Variants in AKAP9 observed in about 807,000 individuals in gnomAD.
The protein encoded by AKAP9 is A-kinase anchoring protein 9.
A neutral mutation model predicts 488.5 loss-of-function variants in AKAP9; 311 were observed. The observed-to-expected ratio is 0.64, with a 90% CI of 0.58 to 0.70. The LOEUF (loss-of-function observed/expected upper bound fraction) is 0.70. AKAP9 is among the 30% of genes least tolerant of loss of function. The pLI, the probability that AKAP9 is intolerant of heterozygous loss-of-function variation, is 0.00. For synonymous variants in AKAP9, 1,462 were observed against 1,483.5 expected, an observed-to-expected ratio of 0.99 and a Z score of 0.33; for missense variants, 4,215 against 4,374.5, an observed-to-expected ratio of 0.96 and a Z score of 1.03.
At chr7:91,979,144 A>G (rs1231056833) in intron 2 of AKAP9, among the ~76,000 whole-genome samples, 1 of 151,946 alleles carries the variant, frequency 6.6e-6, no homozygotes, top group African/African-American at 2.4e-5. Flanking sequence ...GTTCCTCCTT[A>G]TTTGTGGAGA....
chr7:92,052,881 C>T lies in AKAP9; in HGVS notation c.5524C>T (p.Leu1842Phe). The part of the protein sequence containing the change: ...GTEIDPENEE[L>F]MLNISSRLQA... Reference sequence around the variant, plus strand: ...TGAAATAGACCCTGAAAATGAAGAACTTATGCTGAACATTAGCTCTCGACT... The same window carrying T: ...TGAAATAGACCCTGAAAATGAAGAATTTATGCTGAACATTAGCTCTCGACT... Residue 1842 changes from leucine to phenylalanine, a missense_variant, in exon 22 of 50, where the codon CTT (leucine) becomes TTT (phenylalanine). Coordinates refer to ENST00000356239, the MANE Select transcript of AKAP9 (RefSeq NM_005751.5). 1 of 1,613,824 alleles carries T rather than the reference C, an allele frequency of 6.2e-7. No homozygotes were observed. The highest frequency in any genetic ancestry group is 8.5e-7 in the Non-Finnish European group (1 of 1,179,842).
intron 7 of AKAP9, chr7:91,996,036 A>G (rs1798366362): frequency 4.6e-6 from 2 of 433,654 alleles, no homozygotes; most frequent in East Asian, 6.9e-5. Context: ...GCAGGAAAAT[A>G]CAAATTTATA....
intron 13 of AKAP9, 95 bp downstream of exon 13, chr7:92,022,447 T>G: frequency 1.1e-6 from 1 of 872,410 alleles, no homozygotes; most frequent in South Asian, 1.4e-5. Flanking sequence ...CGTAGTGACC[T>G]TTGGCATTTC....
rs776135220 is a variant in AKAP9, at chr7:92,079,991, A to C, written c.7858A>C (p.Thr2620Pro). 6.4e-7 allele frequency: 1 copy of C among 1,569,814 alleles called. No individual in the cohort carries two copies. Among genetic ancestry groups the C allele is most frequent in the South Asian group, 1.2e-5 (1 of 82,132 alleles). ...ELESQVVEMHTSLILEKEQVE... is the reference protein window; with the variant it reads ...ELESQVVEMHPSLILEKEQVE... ...AGAAAGCCAGGTTGTTGAAATGCAT[A>C]CTAGTTTGATTTTAGAAAAAGAACA... Residue 2620 changes from threonine (T) to proline (P), a missense_variant, in exon 31 of 50, where the codon ACT (threonine) becomes CCT (proline). Transcript: ENST00000356239.
intron 1 of AKAP9, among the ~76,000 whole-genome samples, chr7:91,973,203 C>A (rs2130560886): frequency 6.6e-6 from 1 of 152,236 alleles, no homozygotes; most frequent in South Asian, 2.1e-4. Flanking sequence ...TGGCAAAAAT[C>A]TGTCTGTACA....
At chr7:91,998,681 T>A (rs1798737380) in intron 7 of AKAP9, among the ~76,000 whole-genome samples, 1 of 151,956 alleles carries the variant, frequency 6.6e-6, no homozygotes, top group African/African-American at 2.4e-5. Context: ...TTTGTAACAT[T>A]AACATTTTTC....
intron 2 of AKAP9, among the ~76,000 whole-genome samples, chr7:91,979,818 G>GT (rs1487748205): frequency 2.0e-5 from 3 of 152,194 alleles, no homozygotes; most frequent in Non-Finnish European, 4.4e-5. Context: ...ATGGGACAGA[G>GT]TAAGATTTCA....
chr7:92,018,878 T>C (rs1801922618), intron 12 of AKAP9, among the ~76,000 whole-genome samples: 1 of 152,208 alleles, frequency 6.6e-6, no homozygotes, highest in African/African-American at 2.4e-5. Context: ...CTCAAAAATC[T>C]TTTAGGTATA....
intron 12 of AKAP9, among the ~76,000 whole-genome samples, chr7:92,018,394 T>A (rs1460171046): frequency 1.2e-5 from 1 of 83,884 alleles, no homozygotes; most frequent in African/African-American, 4.5e-5. Context: ...TCTAAAAATA[T>A]AACACACACA....
chr7:91,958,615 C>G (rs1471476947), intron 1 of AKAP9, among the ~76,000 whole-genome samples: 1 of 151,928 alleles, frequency 6.6e-6, no homozygotes, highest in Non-Finnish European at 1.5e-5. Context: ...AGCATATGGG[C>G]CCACGATAAT....
At chr7:92,050,916 C>T (rs1388736527) in intron 21 of AKAP9, among the ~76,000 whole-genome samples, 3 of 152,148 alleles carry the variant, frequency 2.0e-5, no homozygotes, top group African/African-American at 7.2e-5. Context: ...AGCCCAGAGT[C>T]ATCTTACGCA....
At chr7:91,975,612 G>A (rs1411144000) in intron 2 of AKAP9, among the ~76,000 whole-genome samples, 1 of 151,980 alleles carries the variant, frequency 6.6e-6, no homozygotes, top group Non-Finnish European at 1.5e-5. Flanking sequence ...CAATGTCGAT[G>A]TTCTTTTTTC....
Position 92,001,561 on chromosome 7 carries a change from A to T in AKAP9, c.1644A>T (p.Arg548Ser). The change falls in exon 8 of 50, where the codon AGA becomes AGT. Residue 548 changes from arginine (R) to serine (S), a missense_variant. By Grantham distance (110) the Arg-to-Ser change is moderately radical. Around this residue, in one of 5 missense-constraint regions of AKAP9, gnomAD observed 2,361 missense variants for 2,430.0 expected, o/e 0.97. Transcript: ENST00000356239. ...SFSREQIQRARQTIAEQESKL... is the reference protein window; with the variant it reads ...SFSREQIQRASQTIAEQESKL... Reference sequence around the variant, plus strand: ...CAAGGGAACAGATTCAGAGAGCTAGACAGACAATAGCTGAACAAGAAAGTA... The same window carrying T: ...CAAGGGAACAGATTCAGAGAGCTAGTCAGACAATAGCTGAACAAGAAAGTA... The T allele has an allele frequency of 1.2e-6, 2 of 1,613,874 alleles. No individual in the cohort carries two copies. The highest frequency in any genetic ancestry group is 1.7e-6 in the Non-Finnish European group (2 of 1,179,838).
At chr7:92,010,429 C>T (rs1011118859) in intron 8 of AKAP9, among the ~76,000 whole-genome samples, 2 of 152,214 alleles carry the variant, frequency 1.3e-5, no homozygotes, top group African/African-American at 4.8e-5. Flanking sequence ...GAATAAATGC[C>T]CGCAGGGCCA....
At position 91,940,890 on chromosome 7, in the gene AKAP9, G is replaced by T. The variant is rs545764733; in HGVS notation, c.-210G>T. ...TTTACGTGGAGACGAAGATGGCGGC[G>T]GCGGCGGCGGTGACGGCGCTTCCCG... On this transcript the variant is annotated 5_prime_UTR_variant, in exon 1 of 50. Coordinates refer to ENST00000356239, the MANE Select transcript of AKAP9 (RefSeq NM_005751.5). 7.7e-5 allele frequency: 47 copies of T among 607,130 alleles called. No individual in the cohort carries two copies. Among genetic ancestry groups the T allele is most frequent in the South Asian group, 7.2e-4 (38 of 53,058 alleles). 37.6% of individuals were successfully genotyped at this position (607,130 alleles called of 1,614,324 possible). A position where few individuals can be genotyped will look rare whatever the true frequency, so the allele number is the denominator to read the frequency against.
At chr7:92,034,046 T>C (rs1804744806) in intron 16 of AKAP9, among the ~76,000 whole-genome samples, 1 of 152,122 alleles carries the variant, frequency 6.6e-6, no homozygotes, top group East Asian at 1.9e-4. Context: ...GATGGTGTTA[T>C]TTTATATAGG....
intron 11 of AKAP9, 39 bp from the exon 12 acceptor site, chr7:92,016,978 G>A (rs763852538): frequency 7.2e-7 from 1 of 1,393,462 alleles, no homozygotes; most frequent in South Asian, 1.2e-5. Context: ...GACTTTTACT[G>A]TGAAGTGAAA....
chr7:92,071,393 T>C (rs1276201135), intron 28 of AKAP9, among the ~76,000 whole-genome samples: 3 of 151,874 alleles, frequency 2.0e-5, no homozygotes, highest in Admixed American at 6.5e-5. Context: ...GTGTGGTTTT[T>C]TTTTTTTTTA....
chr7:92,017,215 G>A (rs1035848433), intron 12 of AKAP9, 113 bp downstream of exon 12: 9 of 830,890 alleles, frequency 1.1e-5, no homozygotes, highest in African/African-American at 3.4e-5. Flanking sequence ...TGAAAAAGGA[G>A]ATTGGGAAAA....
Sources: gnomAD v4.1 joint callset for allele counts (sites outside exome capture counted in the v4.1 genomes callset) on GRCh38, gnomAD v4.1.1 for gene constraint, gnomAD v4.1.1 regional missense constraint, MANE v1.5 for transcripts, NCBI Gene and HGNC (gene_info 2026-07-23, HGNC 2026-07-21) for gene names.